Variants in GIGYF2 observed in about 807,000 individuals in gnomAD.
The protein encoded by GIGYF2 is GRB10 interacting GYF protein 2.
Under a neutral mutation model 208.1 loss-of-function variants are expected in GIGYF2, and 25 were observed. The observed-to-expected ratio is 0.12, with a 90% CI of 0.09 to 0.17. The LOEUF is 0.17. Among genes scored for constraint, GIGYF2 ranks in the 10% least tolerant of loss-of-function variants. GIGYF2 has a pLI of 1.00. For synonymous variants in GIGYF2, 534 were observed against 543.8 expected (o/e 0.98, Z 0.25); for missense variants, 1,302 against 1,579.4 (o/e 0.82, Z 2.98).
At chr2:232,760,615 TA>T in intron 7 of GIGYF2, 24 bp downstream of exon 7, 1 of 1,467,948 alleles carries the variant, frequency 6.8e-7, no homozygotes, top group Non-Finnish European at 9.5e-7. Context: ...CATATTGGCA[TA>T]AAAATTTCTT....
chr2:232,842,078 G>A (rs1461623960), intron 23 of GIGYF2, among the ~76,000 whole-genome samples: 2 of 151,990 alleles, frequency 1.3e-5, no homozygotes, highest in African/African-American at 4.8e-5. Context: ...GAGCTCAAGC[G>A]ATCTTCCCAC....
At position 232,747,604 on chromosome 2, in the gene GIGYF2, T is replaced by C. The variant is rs775666711; in HGVS notation, c.42-11T>C. The C allele has an allele frequency of 6.2e-7, 1 of 1,613,912 alleles. No homozygotes were observed. The highest frequency in any genetic ancestry group is 8.5e-7 in the Non-Finnish European group (1 of 1,179,806). On this transcript the variant is annotated splice_polypyrimidine_tract_variant and intron_variant, in intron 3 of 28. Transcript: ENST00000373563. The stretch of plus-strand genomic sequence containing the variant: ...GAATGTTTGACATATTCTCTGTCTT[T>C]TCTATTCTAGGCTCCGAGCTCTGTC...
intron 12 of GIGYF2, among the ~76,000 whole-genome samples, chr2:232,793,456 C>T (rs776859516): frequency 1.2e-4 from 18 of 151,746 alleles, no homozygotes; most frequent in Admixed American, 1.2e-3. Flanking sequence ...GCCATTCACA[C>T]GAAAAGAAGA....
At chr2:232,776,490 G>A (rs1402574201) in intron 8 of GIGYF2, 1 of 1,472,512 alleles carries the variant, frequency 6.8e-7, no homozygotes, top group Non-Finnish European at 9.5e-7. Flanking sequence ...AGGTCTTAAG[G>A]AAATTTACAG....
At chr2:232,750,116 CAG>C (rs532262008) in intron 5 of GIGYF2, among the ~76,000 whole-genome samples, 195 of 151,770 alleles carry the variant, frequency 1.3e-3, no homozygotes, top group African/African-American at 4.6e-3. Flanking sequence ...ACTCGGGAGA[CAG>C]AGATTGCAGT....
At chr2:232,808,792 T>C (rs1378560297) in intron 15 of GIGYF2, among the ~76,000 whole-genome samples, 29 of 152,174 alleles carry the variant, frequency 1.9e-4, no homozygotes, top group Admixed American at 1.9e-3. Context: ...TCCAGTCATA[T>C]TATTTCACAT....
intron 8 of GIGYF2, among the ~76,000 whole-genome samples, chr2:232,774,713 T>C (rs1699439166): frequency 6.6e-6 from 1 of 152,194 alleles, no homozygotes; most frequent in African/African-American, 2.4e-5. Flanking sequence ...TCCTGGACAC[T>C]AGTGCTTGTT....
chr2:232,743,285 A>C (rs1261593500), intron 3 of GIGYF2, among the ~76,000 whole-genome samples: 1 of 152,226 alleles, frequency 6.6e-6, no homozygotes, highest in East Asian at 1.9e-4. Context: ...TGAACAGTGC[A>C]TAGCTAGAAG....
intron 14 of GIGYF2, among the ~76,000 whole-genome samples, chr2:232,801,631 G>C (rs1472286890): frequency 1.3e-5 from 2 of 152,232 alleles, no homozygotes; most frequent in Non-Finnish European, 2.9e-5. Flanking sequence ...TCATTTTATA[G>C]TGAGAACACT....
chr2:232,857,005 C>T lies in GIGYF2; in HGVS notation c.*145C>T. 1 of 728,962 alleles carries T rather than the reference C, an allele frequency of 1.4e-6. No homozygotes were observed. Among genetic ancestry groups the T allele is most frequent in the Non-Finnish European group, 2.5e-6 (1 of 398,594 alleles). 45.2% of individuals were successfully genotyped at this position (728,962 alleles called of 1,614,324 possible). A position where few individuals can be genotyped will look rare whatever the true frequency, so the allele number is the denominator to read the frequency against. On this transcript the variant is annotated 3_prime_UTR_variant, in exon 29 of 29. Transcript: ENST00000373563. ...TCATCTCAGGCTTTTTCTTCTGGCC[C>T]TTTGTGTCCAAGATTCTTTAATCCA...
At chr2:232,788,620 T>C in intron 9 of GIGYF2, 1 of 468,586 alleles carries the variant, frequency 2.1e-6, no homozygotes, top group South Asian at 1.6e-5. Flanking sequence ...AACTGTGTTT[T>C]TTGAGCCCAA....
intron 23 of GIGYF2, among the ~76,000 whole-genome samples, chr2:232,842,133 C>T (rs1025362415): frequency 1.3e-5 from 2 of 152,078 alleles, no homozygotes; most frequent in African/African-American, 2.4e-5. Flanking sequence ...GGCCACCACG[C>T]CCTACCCTTT....
At chr2:232,809,487 A>G (rs531572079) in intron 15 of GIGYF2, among the ~76,000 whole-genome samples, 6 of 152,252 alleles carry the variant, frequency 3.9e-5, no homozygotes, top group African/African-American at 1.2e-4. Context: ...TGAAATAAGG[A>G]CCCTTTCTCA....
In GIGYF2 at chr2:232,843,864, T is replaced by C. The variant is rs1011795366; in HGVS notation, c.2890-182T>C. ...AAAAGAAGTAATTTTGCATTTCATG[T>C]TTTTATTCTCCTTTTTAATACTGTT... On this transcript the variant is annotated intron_variant, in intron 23 of 28. Coordinates refer to ENST00000373563, the MANE Select transcript of GIGYF2 (RefSeq NM_001103146.3). The C allele has an allele frequency of 3.7e-5, 24 of 654,206 alleles. No homozygotes were observed. The East Asian group carries it at 6.5e-4, about 18-fold the overall frequency. 40.5% of individuals were successfully genotyped at this position (654,206 alleles called of 1,614,324 possible). A position where few individuals can be genotyped will look rare whatever the true frequency, so the allele number is the denominator to read the frequency against.
At chr2:232,703,755 G>A (rs2106243260) in intron 2 of GIGYF2, among the ~76,000 whole-genome samples, 1 of 152,312 alleles carries the variant, frequency 6.6e-6, no homozygotes, top group South Asian at 2.1e-4. Context: ...GGAGGCAGGA[G>A]TACTGTAAAG....
chr2:232,791,522 G>C, intron 12 of GIGYF2, 76 bp downstream of exon 12: 1 of 1,257,148 alleles, frequency 8.0e-7, no homozygotes, highest in Non-Finnish European at 1.1e-6. Context: ...TTAGGCTTCT[G>C]CTTATGCCTC....
intron 28 of GIGYF2, among the ~76,000 whole-genome samples, chr2:232,851,682 AG>A (rs1232541101): frequency 6.6e-6 from 1 of 152,224 alleles, no homozygotes; most frequent in Non-Finnish European, 1.5e-5. Flanking sequence ...GGCCTCCCAA[AG>A]TGCTGGGATT....
At chr2:232,777,094 T>G (rs920636078) in intron 8 of GIGYF2, among the ~76,000 whole-genome samples, 3 of 152,152 alleles carry the variant, frequency 2.0e-5, no homozygotes, top group African/African-American at 7.2e-5. Context: ...AATCTTTTAT[T>G]TTTTTGGTTA....
chr2:232,788,968 A>G (rs1193604166), intron 9 of GIGYF2, among the ~76,000 whole-genome samples: 2 of 152,210 alleles, frequency 1.3e-5, no homozygotes, highest in African/African-American at 4.8e-5. Context: ...TAAACCCAGT[A>G]TATTCAAAGT....
Sources: allele counts gnomAD v4.1 joint callset (sites outside exome capture counted in the v4.1 genomes callset), GRCh38; gene constraint gnomAD v4.1.1; transcripts MANE v1.5; gene names NCBI Gene and HGNC (gene_info 2026-07-23, HGNC 2026-07-21).